The following ATP1B1 variants were observed in gnomAD, a reference collection of about 807,000 sequenced individuals.
The protein encoded by ATP1B1 is sodium/potassium-transporting ATPase subunit beta-1.
Under a neutral mutation model 39.6 loss-of-function variants are expected in ATP1B1, and 3 were observed. That is an observed-to-expected ratio of 0.08 (90% CI 0.03 to 0.20). The LOEUF is 0.20. Among genes scored for constraint, ATP1B1 ranks in the 10% least tolerant of loss-of-function variants. The pLI is 1.00. For missense variants in ATP1B1, 216 were observed against 371.1 expected (o/e 0.58, Z 3.43); for synonymous variants, 139 against 135.0 (o/e 1.03, Z -0.20).
Position 169,127,278 on chromosome 1 carries a change from G to T in ATP1B1, c.437G>T (p.Arg146Leu). Reference sequence around the variant, plus strand: ...GACTTTAATCATGAACGAGGAGAGCGAAAGGTCTGCAGATTCAAGCTTGAA... The same window carrying T: ...GACTTTAATCATGAACGAGGAGAGCTAAAGGTCTGCAGATTCAAGCTTGAA... ...RGDFNHERGERKVCRFKLEWL... is the reference protein window; with the variant it reads ...RGDFNHERGELKVCRFKLEWL... Residue 146 changes from arginine (R) to leucine (L), a missense_variant, in exon 4 of 6, where the codon CGA (arginine) becomes CTA (leucine). By Grantham distance (102) the Arg-to-Leu change is moderately radical. Coordinates refer to ENST00000367815, the MANE Select transcript of ATP1B1 (RefSeq NM_001677.4). 4 of 1,605,730 alleles carry T rather than the reference G, an allele frequency of 2.5e-6. No homozygotes were observed. The South Asian group carries it at 4.5e-5, about 18-fold the overall frequency.
chr1:169,109,915 C>T (rs951770626), intron 1 of ATP1B1, among the ~76,000 whole-genome samples: 1 of 152,062 alleles, frequency 6.6e-6, no homozygotes, highest in Non-Finnish European at 1.5e-5. Context: ...TGCCATTTGC[C>T]TACTGCTGCT....
chr1:169,124,996 A>G lies in ATP1B1; in HGVS notation c.339A>G (p.Lys113=). ...LNIVRFLEKY[K]DSAQRDDMIF... Reference sequence around the variant, plus strand: ...TAGTTAGGTTCCTGGAAAAGTACAAAGATTCAGCCCAGAGGGATGACATGA... The same window carrying G: ...TAGTTAGGTTCCTGGAAAAGTACAAGGATTCAGCCCAGAGGGATGACATGA... Residue 113 remains lysine, a synonymous_variant, in exon 3 of 6, where the codon AAA becomes AAG. Transcript: ENST00000367815. 6.2e-7 allele frequency: 1 copy of G among 1,614,074 alleles called. No homozygotes were observed. Among genetic ancestry groups the G allele is most frequent in the East Asian group, 2.2e-5 (1 of 44,858 alleles).
At chr1:169,110,284 A>G (rs1377679774) in intron 1 of ATP1B1, among the ~76,000 whole-genome samples, 1 of 152,132 alleles carries the variant, frequency 6.6e-6, no homozygotes, top group Non-Finnish European at 1.5e-5. Flanking sequence ...CTTTTCAATA[A>G]TACTGTTTTT....
At chr1:169,118,684 C>T (rs574223145) in intron 2 of ATP1B1, among the ~76,000 whole-genome samples, 5 of 152,176 alleles carry the variant, frequency 3.3e-5, no homozygotes, top group Admixed American at 1.3e-4. Context: ...TGTACATATA[C>T]GTGTGAGTAT....
At chr1:169,121,955 C>T (rs1427075827) in intron 2 of ATP1B1, among the ~76,000 whole-genome samples, 1 of 152,118 alleles carries the variant, frequency 6.6e-6, no homozygotes, top group East Asian at 1.9e-4. Context: ...TGAGATCCCT[C>T]CTTGGTTTCT....
intron 2 of ATP1B1, among the ~76,000 whole-genome samples, chr1:169,112,169 T>C (rs1052534394): frequency 3.1e-4 from 47 of 152,360 alleles, no homozygotes; most frequent in African/African-American, 1.1e-3. Context: ...ATTAACTGTC[T>C]CTTTTAGCTC....
At position 169,130,010 on chromosome 1, in the gene ATP1B1, C is replaced by G; in HGVS notation, c.568C>G (p.Pro190Ala). 6.2e-7 allele frequency: 1 copy of G among 1,613,158 alleles called. No homozygotes were observed. Among genetic ancestry groups the G allele is most frequent in the South Asian group, 1.1e-5 (1 of 90,966 alleles). Reference sequence around the variant, plus strand: ...TGATCATAATGGGTTTTATTTTTAGCCTCCCAAGAATGAGTCCTTGGAGAC... The same window carrying G: ...TGATCATAATGGGTTTTATTTTTAGGCTCCCAAGAATGAGTCCTTGGAGAC... Reference protein sequence around the residue: ...LNRVLGFKPKPPKNESLETYP... With the variant: ...LNRVLGFKPKAPKNESLETYP... The change falls in exon 5 of 6, where the codon CCT (proline) becomes GCT (alanine). Residue 190 changes from proline to alanine, a missense_variant and splice_region_variant. By Grantham distance (27) the Pro-to-Ala change is conservative. Coordinates refer to ENST00000367815, the MANE Select transcript of ATP1B1 (RefSeq NM_001677.4).
At chr1:169,111,921 A>T (rs982572355) in intron 2 of ATP1B1, among the ~76,000 whole-genome samples, 8 of 152,212 alleles carry the variant, frequency 5.3e-5, no homozygotes, top group African/African-American at 1.9e-4. Flanking sequence ...AAATTCTTTT[A>T]AAAAAGTCAC....
chr1:169,113,552 A>G (rs1254681670), intron 2 of ATP1B1, among the ~76,000 whole-genome samples: 2 of 152,182 alleles, frequency 1.3e-5, no homozygotes, highest in African/African-American at 4.8e-5. Flanking sequence ...TTAACTTTGG[A>G]AAAGAAATAG....
intron 1 of ATP1B1, among the ~76,000 whole-genome samples, chr1:169,109,594 C>G (rs994132621): frequency 6.6e-6 from 1 of 152,176 alleles, no homozygotes; most frequent in Non-Finnish European, 1.5e-5. Flanking sequence ...GCTTAATCGG[C>G]GTACTTGCAA....
intron 2 of ATP1B1, among the ~76,000 whole-genome samples, chr1:169,122,501 A>G (rs537381450): frequency 1.3e-5 from 2 of 152,276 alleles, no homozygotes; most frequent in South Asian, 4.2e-4. Flanking sequence ...TGCACCATAA[A>G]TGATCACAAT....
At chr1:169,114,734 T>C (rs1657803885) in intron 2 of ATP1B1, among the ~76,000 whole-genome samples, 1 of 152,120 alleles carries the variant, frequency 6.6e-6, no homozygotes, top group Non-Finnish European at 1.5e-5. Flanking sequence ...CCTTACAAAG[T>C]CGTGTTGCAG....
At chr1:169,122,770 T>A (rs12406287) in intron 2 of ATP1B1, among the ~76,000 whole-genome samples, 10,981 of 101,410 alleles carry the variant, frequency 0.11, 1,380 homozygotes, top group East Asian at 0.6. Context: ...TTTTTTTTTT[T>A]AATTGCGATA....
intron 2 of ATP1B1, among the ~76,000 whole-genome samples, chr1:169,117,948 T>G (rs1256524760): frequency 6.6e-6 from 1 of 152,254 alleles, no homozygotes; most frequent in Non-Finnish European, 1.5e-5. Context: ...TCTAGATAAG[T>G]CAAATATACT....
rs536305635 is a variant in ATP1B1, at chr1:169,132,451, G to T, written c.*896G>T. 2 of 427,662 alleles carry T rather than the reference G, an allele frequency of 4.7e-6. No individual in the cohort carries two copies. The highest frequency in any genetic ancestry group is 2.0e-5 in the African/African-American group (1 of 48,832). 26.5% of individuals were successfully genotyped at this position (427,662 alleles called of 1,614,324 possible). A position where few individuals can be genotyped will look rare whatever the true frequency, so the allele number is the denominator to read the frequency against. The stretch of plus-strand genomic sequence containing the variant: ...TGTTTTAACCATTTTCATGGTGGAA[G>T]AATTTTATATTTATGCAGTTGTACA... On this transcript the variant is annotated 3_prime_UTR_variant, in exon 6 of 6. Coordinates refer to ENST00000367815, the MANE Select transcript of ATP1B1 (RefSeq NM_001677.4).
chr1:169,117,016 A>G (rs1435547210), intron 2 of ATP1B1, among the ~76,000 whole-genome samples: 1 of 152,208 alleles, frequency 6.6e-6, no homozygotes, highest in Non-Finnish European at 1.5e-5. Context: ...TTGTATTACT[A>G]TCTCTCACTC....
In ATP1B1 at chr1:169,132,019, A is replaced by ATTTTTTTTTTTTTTTT. The variant is rs34447553; in HGVS notation, c.*471_*486dup. On this transcript the variant is annotated 3_prime_UTR_variant, in exon 6 of 6. Transcript: ENST00000367815. ...CAACGGGAATAAAACTGGCATGGTA[A>ATTTTTTTTTTTTTTTT]TTTTTTTTTTTTTTTTTTTTTTGTT... 4.7e-5 allele frequency: 9 copies of ATTTTTTTTTTTTTTTT among 190,950 alleles called. 1 individual carries two copies. The highest frequency in any genetic ancestry group is 1.6e-4 in the South Asian group (3 of 19,132). The allele number at this position is 190,950 out of a possible 1,614,324, so 11.8% of individuals were successfully genotyped here.
chr1:169,111,116 A>G (rs1657719205), intron 1 of ATP1B1, among the ~76,000 whole-genome samples: 2 of 152,184 alleles, frequency 1.3e-5, no homozygotes, highest in Non-Finnish European at 2.9e-5. Context: ...ATAAAAAAAT[A>G]TAAGGATCCT....
At chr1:169,115,888 G>A (rs1364830650) in intron 2 of ATP1B1, among the ~76,000 whole-genome samples, 1 of 152,240 alleles carries the variant, frequency 6.6e-6, no homozygotes, top group Non-Finnish European at 1.5e-5. Flanking sequence ...ACCCATGCTT[G>A]TTGGGTTAGC....
Sources: gnomAD v4.1 joint callset for allele counts (sites outside exome capture counted in the v4.1 genomes callset) on GRCh38, gnomAD v4.1.1 for gene constraint, MANE v1.5 for transcripts, NCBI Gene and HGNC (gene_info 2026-07-23, HGNC 2026-07-21) for gene names.